CDKN2B-AS1: variants seen among roughly 807,000 people sequenced by gnomAD.
CDKN2B-AS1 encodes the protein CDKN2B antisense RNA 1 (non-protein coding).
chr9:22,122,823 G>A (rs1279312473), intron 4 of CDKN2B-AS1, among the ~76,000 whole-genome samples: 1 of 152,092 alleles, frequency 6.6e-6, no homozygotes, highest in Non-Finnish European at 1.5e-5. Context: ...TTGATGTCTG[G>A]TAGTGTGATA....
intron 4 of CDKN2B-AS1, among the ~76,000 whole-genome samples, chr9:22,067,010 A>T (rs942143319): frequency 6.6e-6 from 1 of 152,140 alleles, no homozygotes; most frequent in Non-Finnish European, 1.5e-5. Context: ...TGGGAGTTGA[A>T]CAATGAGAAC....
intron 4 of CDKN2B-AS1, among the ~76,000 whole-genome samples, chr9:22,071,668 A>T (rs986484582): frequency 6.6e-6 from 1 of 152,136 alleles, no homozygotes; most frequent in African/African-American, 2.4e-5. Context: ...TCTAAATGGA[A>T]GTACACTCAA....
At chr9:22,049,543 C>T (rs1290686958) in intron 3 of CDKN2B-AS1, among the ~76,000 whole-genome samples, 1 of 152,162 alleles carries the variant, frequency 6.6e-6, no homozygotes, top group African/African-American at 2.4e-5. Flanking sequence ...CAAGGGGCCC[C>T]ACAGGGACTG....
At position 21,999,124 on chromosome 9, in the gene CDKN2B-AS1, G is replaced by A. The variant is rs775232797; in HGVS notation, n.29+3963G>A. On this transcript the variant is annotated intron_variant and non_coding_transcript_variant, in intron 1 of 4. Transcript: ENST00000650946. The surrounding 1 kb of genome is among the most constrained non-coding windows in gnomAD (Gnocchi z 4.7). ...AAAGAAAAAAGACTACTTTGACAAA[G>A]TTGTCAGGAAACAATCACTCTTACT... is the stretch of plus-strand genomic sequence containing the variant. Among the ~76,000 whole-genome samples, 142 of 152,046 alleles carry A rather than the reference G, an allele frequency of 9.3e-4. No individual in the cohort carries two copies. The highest frequency in any genetic ancestry group is 1.9e-3 in the Non-Finnish European group (127 of 67,976).
chr9:22,064,554 C>G (rs1467290976), intron 4 of CDKN2B-AS1, among the ~76,000 whole-genome samples: 1 of 152,162 alleles, frequency 6.6e-6, no homozygotes, highest in Non-Finnish European at 1.5e-5. Flanking sequence ...GGAATGGAAA[C>G]CTTAATTGGA....
intron 4 of CDKN2B-AS1, among the ~76,000 whole-genome samples, chr9:22,072,647 C>T (rs1349235524): frequency 6.6e-6 from 1 of 152,192 alleles, no homozygotes; most frequent in Non-Finnish European, 1.5e-5. Context: ...ATGATATAGT[C>T]TCAGTCAGGT....
intron 4 of CDKN2B-AS1, chr9:22,077,969 C>G (rs1563967015): frequency 6.6e-6 from 1 of 152,174 alleles, no homozygotes; most frequent in Non-Finnish European, 1.5e-5. Context: ...TAATTTTTCC[C>G]CACATGACAC....
chr9:22,009,838 A>G (rs1237968464), intron 1 of CDKN2B-AS1, among the ~76,000 whole-genome samples: 3 of 152,190 alleles, frequency 2.0e-5, no homozygotes, highest in Admixed American at 2.0e-4. Context: ...TTTCTGTTTG[A>G]ATTAGTCAAC....
intron 1 of CDKN2B-AS1, among the ~76,000 whole-genome samples, chr9:22,022,786 G>A (rs1304891273): frequency 5.3e-5 from 8 of 152,148 alleles, no homozygotes; most frequent in African/African-American, 9.7e-5. Context: ...TCCACAATTA[G>A]TGCTTCCTTC....
intron 4 of CDKN2B-AS1, chr9:22,117,666 C>T (rs1355187700): frequency 6.6e-6 from 1 of 152,302 alleles, no homozygotes; most frequent in African/African-American, 2.4e-5. Flanking sequence ...CTGCCGCTCT[C>T]CTCGGACCTT....
At chr9:22,008,076 G>C (rs1821285073) in intron 1 of CDKN2B-AS1, among the ~76,000 whole-genome samples, 1 of 152,130 alleles carries the variant, frequency 6.6e-6, no homozygotes, top group Non-Finnish European at 1.5e-5. Flanking sequence ...AGCAGGATTC[G>C]TACTTAAACA....
chr9:22,015,492 C>A (rs953993121), intron 1 of CDKN2B-AS1, among the ~76,000 whole-genome samples: 2 of 152,024 alleles, frequency 1.3e-5, no homozygotes, highest in Non-Finnish European at 2.9e-5. Flanking sequence ...TAAAAATTAT[C>A]TTGCCAAATA....
intron 1 of CDKN2B-AS1, among the ~76,000 whole-genome samples, chr9:22,008,307 G>A (rs1821294922): frequency 6.6e-6 from 1 of 152,096 alleles, no homozygotes; most frequent in Non-Finnish European, 1.5e-5. Context: ...CTGTGGTTGA[G>A]GAATCCCGTC....
At position 22,006,259 on chromosome 9, in the gene CDKN2B-AS1, A is replaced by G. The variant is rs771295942; in HGVS notation, n.29+11098A>G. ...CCCATCATCATGACCTGCCAGAGAG[A>G]GCAGAGTGGTCAGAGCCAGGGTGGG... On this transcript the variant is annotated intron_variant and non_coding_transcript_variant, in intron 1 of 4. Transcript: ENST00000650946. This position sits in a 1 kb window ranked among gnomAD's most constrained non-coding sequence, Gnocchi z 6.4. 26 of 1,602,816 alleles carry G rather than the reference A, an allele frequency of 1.6e-5. No individual in the cohort carries two copies. In the East Asian group the frequency reaches 5.1e-4, roughly 32 times the overall value.
At chr9:22,058,883 G>A in intron 4 of CDKN2B-AS1, 1 of 215,562 alleles carries the variant, frequency 4.6e-6, no homozygotes, top group East Asian at 1.6e-4. Context: ...CATGGTGGCA[G>A]CAAGAGAAAA....
intron 4 of CDKN2B-AS1, among the ~76,000 whole-genome samples, chr9:22,117,037 T>C (rs1157961951): frequency 6.6e-6 from 1 of 152,204 alleles, no homozygotes; most frequent in East Asian, 1.9e-4. Context: ...TGACTTCTAA[T>C]AATGAACAAA....
At chr9:22,040,405 A>G (rs1193527505) in intron 1 of CDKN2B-AS1, among the ~76,000 whole-genome samples, 1 of 152,038 alleles carries the variant, frequency 6.6e-6, no homozygotes, top group Non-Finnish European at 1.5e-5. Context: ...CCAAAACATC[A>G]TTACTCTACT....
intron 4 of CDKN2B-AS1, among the ~76,000 whole-genome samples, chr9:22,123,640 T>TA (rs1354923742): frequency 1.3e-5 from 2 of 151,392 alleles, no homozygotes; most frequent in Non-Finnish European, 3.0e-5. Context: ...GAAGATGGAT[T>TA]AAAAAAACCC....
In CDKN2B-AS1 at chr9:22,012,544, T is replaced by C. The variant is rs1821557883; in HGVS notation, n.29+17383T>C. 4 of 581,498 alleles carry C rather than the reference T, an allele frequency of 6.9e-6. No homozygotes were observed. The Admixed American group carries it at 8.1e-5, about 12-fold the overall frequency. 36.0% of individuals were successfully genotyped at this position (581,498 alleles called of 1,614,324 possible). On this transcript the variant is annotated intron_variant and non_coding_transcript_variant, in intron 1 of 4. Transcript: ENST00000650946. ...ACCCCAAGAAGGTCAAATAAGGCTCTTCCTTCCTCGGAGGGCAGCCTCCTG... is the reference window on the plus strand; with the variant it reads ...ACCCCAAGAAGGTCAAATAAGGCTCCTCCTTCCTCGGAGGGCAGCCTCCTG...
Sources: allele counts gnomAD v4.1 joint callset (sites outside exome capture counted in the v4.1 genomes callset), GRCh38; gene constraint gnomAD v4.1.1; non-coding constraint Gnocchi (gnomAD v3.1); transcripts MANE v1.5; gene names NCBI Gene and HGNC (gene_info 2026-07-23, HGNC 2026-07-21).